Variants in AP2A2 observed in about 807,000 individuals in gnomAD.
AP2A2 encodes adaptor related protein complex 2 subunit alpha 2.
A neutral mutation model predicts 104.2 loss-of-function variants in AP2A2; 32 were observed. The observed-to-expected ratio is 0.31, with a 90% CI of 0.23 to 0.41. AP2A2 has a LOEUF of 0.41. Ranked by LOEUF, AP2A2 falls within the 10% of genes least tolerant of loss-of-function variation. AP2A2 has a pLI of 1.00. For synonymous variants in AP2A2, 539 were observed against 533.3 expected (o/e 1.01, Z -0.15); for missense variants, 912 against 1,261.0 (o/e 0.72, Z 4.19).
At chr11:966,416 T>G (rs1020423143) in intron 2 of AP2A2, among the ~76,000 whole-genome samples, 5 of 152,158 alleles carry the variant, frequency 3.3e-5, no homozygotes, top group African/African-American at 1.2e-4. Context: ...GAGGATCACT[T>G]GAGCCTAGGA....
rs1853102084 is a variant in AP2A2 at position 925,916 on chromosome 11, C to T, written c.-106C>T. On this transcript the variant is annotated 5_prime_UTR_variant, in exon 1 of 22. Transcript: ENST00000448903. ...GAGGCGGCCGTGGTTAGGCGGCTCCCCGGCGGCTCCTCCGCGGCGGTGACG... is the reference window on the plus strand; with the variant it reads ...GAGGCGGCCGTGGTTAGGCGGCTCCTCGGCGGCTCCTCCGCGGCGGTGACG... 3.4e-6 allele frequency: 3 copies of T among 874,532 alleles called. No individual in the cohort carries two copies. Among genetic ancestry groups the T allele is most frequent in the Non-Finnish European group, 3.1e-6 (2 of 643,180 alleles). 54.2% of individuals were successfully genotyped at this position (874,532 alleles called of 1,614,324 possible). A position where few individuals can be genotyped will look rare whatever the true frequency, so the allele number is the denominator to read the frequency against.
In AP2A2 at chr11:981,274, C is replaced by T; in HGVS notation, c.680C>T (p.Ser227Phe). 6.2e-7 allele frequency: 1 copy of T among 1,613,188 alleles called. No individual in the cohort carries two copies. The highest frequency in any genetic ancestry group is 1.1e-5 in the South Asian group (1 of 90,852). The change falls in exon 6 of 22, where the codon TCT (serine) becomes TTT (phenylalanine). Residue 227 changes from serine to phenylalanine, a missense_variant. Around this residue, in one of 7 missense-constraint regions of AP2A2, gnomAD observed 350 missense variants for 487.0 expected, o/e 0.72. Transcript: ENST00000448903. ...CCAGAAGAGTTTAAAACCTCCGTGT[C>T]TCTGGCTGTCTCTAGGCTAAGCAGA... ...KNPEEFKTSV[S>F]LAVSRLSRIV...
chr11:932,684 G>T (rs1452883244), intron 1 of AP2A2: 3 of 456,220 alleles, frequency 6.6e-6, no homozygotes, highest in South Asian at 4.6e-5. Flanking sequence ...GGAAGTCCTT[G>T]CTCGGGTTGA....
chr11:963,951 G>A (rs1225762432), intron 2 of AP2A2, among the ~76,000 whole-genome samples: 1 of 152,228 alleles, frequency 6.6e-6, no homozygotes, highest in Non-Finnish European at 1.5e-5. Context: ...CCACTCGTGG[G>A]TGGAGGTGGG....
intron 1 of AP2A2, among the ~76,000 whole-genome samples, chr11:933,861 T>A (rs1184146541): frequency 6.6e-6 from 1 of 152,178 alleles, no homozygotes; most frequent in Non-Finnish European, 1.5e-5. Context: ...TATCTTCTGT[T>A]CAGTTGATTC....
At chr11:966,960 A>G (rs1005374858) in intron 2 of AP2A2, among the ~76,000 whole-genome samples, 2 of 152,120 alleles carry the variant, frequency 1.3e-5, no homozygotes, top group Admixed American at 1.3e-4. Flanking sequence ...CGAGGTCAGG[A>G]GTTTGAGACC....
intron 8 of AP2A2, among the ~76,000 whole-genome samples, chr11:986,419 G>A (rs1436116708): frequency 1.3e-5 from 2 of 152,234 alleles, no homozygotes; most frequent in Non-Finnish European, 2.9e-5. Flanking sequence ...GGCCTTCTCG[G>A]CCTTCTCCCT....
At chr11:935,239 A>T (rs1021211214) in intron 1 of AP2A2, among the ~76,000 whole-genome samples, 1 of 151,976 alleles carries the variant, frequency 6.6e-6, no homozygotes, top group Non-Finnish European at 1.5e-5. Context: ...TATTTTTTTT[A>T]GTAGAGACGG....
At chr11:979,842 C>T (rs1855181612) in intron 5 of AP2A2, among the ~76,000 whole-genome samples, 1 of 152,252 alleles carries the variant, frequency 6.6e-6, no homozygotes, top group African/African-American at 2.4e-5. Context: ...GCTGGGATTA[C>T]AGCATAAGCC....
intron 1 of AP2A2, among the ~76,000 whole-genome samples, chr11:941,773 A>G (rs952568669): frequency 6.7e-6 from 1 of 150,008 alleles, no homozygotes; most frequent in Non-Finnish European, 1.5e-5. Context: ...TTTTTAGTAG[A>G]CATGGGGTTT....
intron 5 of AP2A2, among the ~76,000 whole-genome samples, chr11:978,761 AT>A (rs967030583): frequency 1.3e-5 from 2 of 152,122 alleles, no homozygotes; most frequent in Non-Finnish European, 2.9e-5. Flanking sequence ...GAAAGGTGTC[AT>A]TTGCTCACCT....
intron 1 of AP2A2, among the ~76,000 whole-genome samples, chr11:958,254 C>G (rs1341241368): frequency 1.3e-5 from 2 of 152,220 alleles, no homozygotes; most frequent in Non-Finnish European, 2.9e-5. Flanking sequence ...AGGAAGAGAG[C>G]CCTCACCAGA....
intron 14 of AP2A2, among the ~76,000 whole-genome samples, chr11:998,521 A>G (rs897053431): frequency 6.6e-6 from 1 of 152,052 alleles, no homozygotes; most frequent in Non-Finnish European, 1.5e-5. Context: ...AGATAATTAC[A>G]AACTAATTTT....
intron 6 of AP2A2, among the ~76,000 whole-genome samples, chr11:984,394 C>G (rs548167625): frequency 3.3e-5 from 5 of 152,288 alleles, no homozygotes; most frequent in African/African-American, 1.2e-4. Flanking sequence ...AGTTTCAAAT[C>G]CAGGTGCTAT....
At chr11:998,898 TG>T (rs1177729893) in intron 14 of AP2A2, among the ~76,000 whole-genome samples, 1 of 152,202 alleles carries the variant, frequency 6.6e-6, no homozygotes, top group Non-Finnish European at 1.5e-5. Flanking sequence ...TTCACCATGT[TG>T]GCCAGGATGG....
At chr11:940,291 A>G (rs1269800378) in intron 1 of AP2A2, among the ~76,000 whole-genome samples, 6 of 152,162 alleles carry the variant, frequency 3.9e-5, no homozygotes, top group Non-Finnish European at 8.8e-5. Context: ...CAAGTGTGGC[A>G]TTTGGTGGCC....
At position 990,557 on chromosome 11, in the gene AP2A2, C is replaced by T. The variant is rs59436882; in HGVS notation, c.1269+1868C>T. Among the ~76,000 whole-genome samples the T allele has an allele frequency of 3.0e-3, 460 of 152,276 alleles. 1 individual carries two copies. Among genetic ancestry groups the T allele is most frequent in the African/African-American group, 0.01 (430 of 41,550 alleles). ...CCCGGTGTCTGCTCTCGCCCCTCTG[C>T]GTGATGAGCGGCAATCCTCAGCCAG... On this transcript the variant is annotated intron_variant, in intron 10 of 21. Coordinates refer to ENST00000448903, the MANE Select transcript of AP2A2 (RefSeq NM_012305.4).
chr11:972,317 CA>C, intron 4 of AP2A2, 62 bp downstream of exon 4: 1 of 1,450,304 alleles, frequency 6.9e-7, no homozygotes, highest in Non-Finnish European at 9.2e-7. Context: ...CCAAATACAT[CA>C]AATATGGAGC....
chr11:974,853 C>T (rs1010406883), intron 4 of AP2A2, among the ~76,000 whole-genome samples: 4 of 150,930 alleles, frequency 2.7e-5, no homozygotes, highest in African/African-American at 7.3e-5. Context: ...GGCATGGTGG[C>T]GCCCTCCTGT....
Sources: gnomAD v4.1 joint callset for allele counts (sites outside exome capture counted in the v4.1 genomes callset) on GRCh38, gnomAD v4.1.1 for gene constraint, gnomAD v4.1.1 regional missense constraint, MANE v1.5 for transcripts, NCBI Gene and HGNC (gene_info 2026-07-23, HGNC 2026-07-21) for gene names.